The following ADAM9 variants were observed in gnomAD, a reference collection of about 807,000 sequenced individuals.
ADAM9 encodes disintegrin and metalloproteinase domain-containing protein 9.
Under a neutral mutation model 108.1 loss-of-function variants are expected in ADAM9, and 54 were observed. The ratio of observed to expected loss-of-function variants is 0.50; its 90% CI spans 0.40 to 0.63. The LOEUF is 0.63. ADAM9 is among the 20% of genes least tolerant of loss of function. The probability of loss-of-function intolerance (pLI) is 0.00; values close to 1 mark genes in which losing one functional copy is unlikely to be tolerated. For synonymous variants in ADAM9, 316 were observed against 336.0 expected, an observed-to-expected ratio of 0.94 and a Z score of 0.65; for missense variants, 830 against 997.7, an observed-to-expected ratio of 0.83 and a Z score of 2.26.
At chr8:39,081,314 C>T (rs1176266404) in intron 16 of ADAM9, among the ~76,000 whole-genome samples, 1 of 152,194 alleles carries the variant, frequency 6.6e-6, no homozygotes, top group African/African-American at 2.4e-5. Flanking sequence ...AAGGTAAACA[C>T]TGCCAATCAG....
chr8:39,023,044 T>A, intron 8 of ADAM9, 112 bp from the exon 9 acceptor site: 1 of 988,072 alleles, frequency 1.0e-6, no homozygotes, highest in South Asian at 1.6e-5. Flanking sequence ...GAAAGATAGT[T>A]TTTTTTAGGC....
chr8:39,045,012 A>G (rs1837590815), intron 12 of ADAM9, among the ~76,000 whole-genome samples: 1 of 102,190 alleles, frequency 9.8e-6, no homozygotes, highest in Non-Finnish European at 2.0e-5. Flanking sequence ...ATACCTATGT[A>G]TGTGTATGTG....
At chr8:39,011,977 G>A (rs1836370406) in intron 3 of ADAM9, among the ~76,000 whole-genome samples, 1 of 152,204 alleles carries the variant, frequency 6.6e-6, no homozygotes, top group Admixed American at 6.5e-5. Context: ...CACATATGTG[G>A]GGGAGTTGGG....
intron 20 of ADAM9, among the ~76,000 whole-genome samples, chr8:39,092,130 A>G (rs533219120): frequency 6.6e-6 from 1 of 152,288 alleles, no homozygotes; most frequent in African/African-American, 2.4e-5. Flanking sequence ...ATTGATCTGC[A>G]TGTATCCCTA....
At position 39,045,411 on chromosome 8, in the gene ADAM9, C is replaced by CGTGTGTGTACACACCTATATGT. The variant is rs1564301581; in HGVS notation, c.1302+3295_1302+3296insTGTGTGTACACACCTATATGTG. On this transcript the variant is annotated intron_variant, in intron 12 of 21. Transcript: ENST00000487273. ...GTGTGTGTACACACACCTATATGTG[C>CGTGTGTGTACACACCTATATGT]GCGTGTGTACACACACCTATATGTG... 1.2e-3 allele frequency among the ~76,000 whole-genome samples: 25 copies of CGTGTGTGTACACACCTATATGT among 20,760 alleles called. 6 individuals are homozygous for CGTGTGTGTACACACCTATATGT. The East Asian group carries it at 0.05, about 41-fold the overall frequency. 13.6% of individuals were successfully genotyped at this position (20,760 alleles called of 152,430 possible). A position where few individuals can be genotyped will look rare whatever the true frequency, so the allele number is the denominator to read the frequency against.
At chr8:39,014,383 T>C (rs900319705) in intron 4 of ADAM9, 8 of 550,540 alleles carry the variant, frequency 1.5e-5, no homozygotes, top group Non-Finnish European at 2.5e-5. Context: ...AAAAGTGCAC[T>C]TATTAAAACA....
intron 16 of ADAM9, 43 bp downstream of exon 16, chr8:39,077,454 T>A: frequency 6.6e-7 from 1 of 1,520,574 alleles, no homozygotes; most frequent in Non-Finnish European, 8.9e-7. Context: ...ATGAAAAAAA[T>A]TAAAAAAATT....
At position 39,045,074 on chromosome 8, in the gene ADAM9, G is replaced by GTGTGTGTGCATACATACATA. The variant is rs1837606631; in HGVS notation, c.1302+2966_1302+2985dup. Among the ~76,000 whole-genome samples the GTGTGTGTGCATACATACATA allele has an allele frequency of 1.0e-3, 26 of 25,796 alleles. 2 individuals carry two copies. Among genetic ancestry groups the GTGTGTGTGCATACATACATA allele is most frequent in the Admixed American group, 8.8e-4 (2 of 2,282 alleles). 16.9% of individuals were successfully genotyped at this position (25,796 alleles called of 152,430 possible). A position where few individuals can be genotyped will look rare whatever the true frequency, so the allele number is the denominator to read the frequency against. On this transcript the variant is annotated intron_variant, in intron 12 of 21. Transcript: ENST00000487273. ...TATGTGTGTGTGCATACATACATAT[G>GTGTGTGTGCATACATACATA]TGTGTGTGCATACATACATATGTGT...
intron 16 of ADAM9, among the ~76,000 whole-genome samples, chr8:39,082,352 T>C (rs1375513224): frequency 6.6e-6 from 1 of 152,156 alleles, no homozygotes; most frequent in Non-Finnish European, 1.5e-5. Context: ...TTGTGAATAT[T>C]TTATTTAGGA....
chr8:39,018,308 A>G (rs994007091), intron 6 of ADAM9, among the ~76,000 whole-genome samples: 2 of 152,212 alleles, frequency 1.3e-5, no homozygotes, highest in African/African-American at 4.8e-5. Flanking sequence ...ACATTGGAAA[A>G]CATTAAAATT....
intron 9 of ADAM9, among the ~76,000 whole-genome samples, chr8:39,025,013 G>A (rs1836873168): frequency 6.6e-6 from 1 of 152,108 alleles, no homozygotes; most frequent in Non-Finnish European, 1.5e-5. Context: ...GGGAAGAGAG[G>A]TCCAGGCGGA....
At chr8:39,102,756 C>T (rs1463192633) in intron 21 of ADAM9, among the ~76,000 whole-genome samples, 1 of 152,108 alleles carries the variant, frequency 6.6e-6, no homozygotes, top group African/African-American at 2.4e-5. Flanking sequence ...AGAATTTCAG[C>T]ACAGAACTAA....
At chr8:39,066,687 C>T (rs1838488691) in intron 14 of ADAM9, among the ~76,000 whole-genome samples, 1 of 152,168 alleles carries the variant, frequency 6.6e-6, no homozygotes, top group Non-Finnish European at 1.5e-5. Context: ...AAAATTTTCT[C>T]TCATTTTGTA....
intron 1 of ADAM9, among the ~76,000 whole-genome samples, chr8:39,001,353 G>A (rs1341184127): frequency 6.6e-6 from 1 of 152,244 alleles, no homozygotes; most frequent in African/African-American, 2.4e-5. Context: ...TTGTTTAGCT[G>A]TAACCATCAG....
intron 14 of ADAM9, among the ~76,000 whole-genome samples, chr8:39,059,941 T>C (rs1838245953): frequency 6.6e-6 from 1 of 152,208 alleles, no homozygotes; most frequent in Non-Finnish European, 1.5e-5. Context: ...GTGGGGCACT[T>C]CTTTATGTAA....
intron 11 of ADAM9, among the ~76,000 whole-genome samples, chr8:39,040,352 A>C (rs1837422148): frequency 6.6e-6 from 1 of 152,076 alleles, no homozygotes; most frequent in Non-Finnish European, 1.5e-5. Flanking sequence ...CCTGGCCGTT[A>C]TCTCTTTTTG....
intron 12 of ADAM9, among the ~76,000 whole-genome samples, chr8:39,042,693 A>C (rs982016765): frequency 6.6e-6 from 1 of 152,138 alleles, no homozygotes; most frequent in African/African-American, 2.4e-5. Flanking sequence ...GTTCATTTAT[A>C]TACAGTATAC....
intron 14 of ADAM9, among the ~76,000 whole-genome samples, chr8:39,065,832 A>T (rs190854352): frequency 1.3e-5 from 2 of 152,186 alleles, no homozygotes; most frequent in East Asian, 1.9e-4. Flanking sequence ...TACATGTGCC[A>T]TGTTGATATG....
intron 21 of ADAM9, among the ~76,000 whole-genome samples, chr8:39,102,365 A>G (rs1272380107): frequency 1.3e-5 from 2 of 152,190 alleles, no homozygotes; most frequent in African/African-American, 2.4e-5. Flanking sequence ...TCTAGAAATG[A>G]TCCCAGCTTT....
Sources: gnomAD v4.1 joint callset for allele counts (sites outside exome capture counted in the v4.1 genomes callset) on GRCh38, gnomAD v4.1.1 for gene constraint, MANE v1.5 for transcripts, NCBI Gene and HGNC (gene_info 2026-07-23, HGNC 2026-07-21) for gene names.